SAMD12: variants seen among roughly 807,000 people sequenced by gnomAD.
The protein encoded by SAMD12 is sterile alpha motif domain-containing protein 12.
SAMD12 carries 9 observed loss-of-function variants against 15.0 expected under a neutral mutation model. The observed-to-expected ratio is 0.60, with a 90% CI of 0.36 to 1.05. The LOEUF (loss-of-function observed/expected upper bound fraction) is 1.05, where lower values mean the gene tolerates loss of function less well. Ranked by LOEUF, SAMD12 falls within the 50% of genes least tolerant of loss-of-function variation. The pLI is 0.01. For synonymous variants in SAMD12, 86 were observed against 90.1 expected, an observed-to-expected ratio of 0.96 and a Z score of 0.25; for missense variants, 230 against 234.2, an observed-to-expected ratio of 0.98 and a Z score of 0.12.
At chr8:118,229,657 G>A (rs942762527) in intron 4 of SAMD12, among the ~76,000 whole-genome samples, 61 of 152,300 alleles carry the variant, frequency 4.0e-4, no homozygotes, top group African/African-American at 1.4e-3. Flanking sequence ...AACTCAATGA[G>A]TTAATGTGGG....
At chr8:118,177,624 G>A in the SAMD12 span, among the ~76,000 whole-genome samples, 102 of 152,310 alleles carry the variant, frequency 6.7e-4, 2 homozygotes, top group South Asian at 0.019. Flanking sequence ...TTGGGAGGCC[G>A]AGGCAGGAGG....
intron 4 of SAMD12, among the ~76,000 whole-genome samples, chr8:118,265,273 A>G (rs1484130355): frequency 6.6e-6 from 1 of 152,144 alleles, no homozygotes; most frequent in Non-Finnish European, 1.5e-5. Flanking sequence ...TATTTTCACT[A>G]GACATCCATT....
At chr8:118,339,287 G>A (rs1328983192) in intron 4 of SAMD12, among the ~76,000 whole-genome samples, 2 of 152,028 alleles carry the variant, frequency 1.3e-5, no homozygotes, top group Non-Finnish European at 2.9e-5. Context: ...CTCTGATTGT[G>A]CCACTGCACT....
chr8:118,371,194 C>A (rs374624992), intron 4 of SAMD12, among the ~76,000 whole-genome samples: 1 of 151,994 alleles, frequency 6.6e-6, no homozygotes, highest in African/African-American at 2.4e-5. Context: ...AATGGCTGTG[C>A]GATGCTGAAG....
At chr8:118,402,637 C>G (rs187977238) in intron 3 of SAMD12, among the ~76,000 whole-genome samples, 2 of 152,148 alleles carry the variant, frequency 1.3e-5, no homozygotes, top group African/African-American at 4.8e-5. Context: ...CCTTGTTTTC[C>G]TTCTAGTTAA....
intron 4 of SAMD12, among the ~76,000 whole-genome samples, chr8:118,313,850 C>G (rs1440945522): frequency 6.6e-6 from 1 of 151,458 alleles, no homozygotes; most frequent in Non-Finnish European, 1.5e-5. Context: ...TGGTGATTAT[C>G]TAGTATTGAA....
intron 4 of SAMD12, among the ~76,000 whole-genome samples, chr8:118,324,700 A>C (rs929412952): frequency 9.9e-5 from 15 of 152,206 alleles, no homozygotes; most frequent in African/African-American, 4.8e-5. Context: ...ATGGGTAGAA[A>C]GAAGATTGCC....
intron 3 of SAMD12, among the ~76,000 whole-genome samples, chr8:118,426,164 T>G (rs568470669): frequency 6.6e-6 from 1 of 152,336 alleles, no homozygotes; most frequent in South Asian, 2.1e-4. Flanking sequence ...CACTAATTAT[T>G]GACTAGTAAT....
At chr8:118,428,759 A>T (rs948870551) in intron 3 of SAMD12, among the ~76,000 whole-genome samples, 2 of 152,112 alleles carry the variant, frequency 1.3e-5, no homozygotes, top group African/African-American at 2.4e-5. Context: ...ATGTGTGAGT[A>T]TATTTATGGA....
intron 4 of SAMD12, among the ~76,000 whole-genome samples, chr8:118,204,757 A>G (rs2129789616): frequency 6.6e-6 from 1 of 152,284 alleles, no homozygotes; most frequent in Middle Eastern, 3.4e-3. Flanking sequence ...CTGTCTCAAA[A>G]AAAGAAAAAA....
chr8:118,309,357 GTA>G (rs1008911950), intron 4 of SAMD12, among the ~76,000 whole-genome samples: 9 of 143,630 alleles, frequency 6.3e-5, no homozygotes, highest in Admixed American at 6.1e-4. Context: ...ATTCAATGGT[GTA>G]TATATATATT....
chr8:118,603,308 T>A (rs1335665695), intron 1 of SAMD12, among the ~76,000 whole-genome samples: 3 of 152,050 alleles, frequency 2.0e-5, no homozygotes, highest in African/African-American at 7.2e-5. Flanking sequence ...CAAAATAGAC[T>A]CAAACCTAGG....
intron 4 of SAMD12, among the ~76,000 whole-genome samples, chr8:118,329,480 C>T (rs1816715230): frequency 6.6e-6 from 1 of 152,154 alleles, no homozygotes; most frequent in Non-Finnish European, 1.5e-5. Flanking sequence ...TAGCTCCTGA[C>T]CTTCAGAAGT....
rs117401246 is a variant in SAMD12, at chr8:118,441,931, T to G, written c.193-1970A>C. Among the ~76,000 whole-genome samples, 240 of 152,248 alleles carry G rather than the reference T, an allele frequency of 1.6e-3. 1 individual carries two copies. The highest frequency in any genetic ancestry group is 6.8e-3 in the Middle Eastern group (2 of 294). On this transcript the variant is annotated intron_variant, in intron 2 of 3. Coordinates refer to ENST00000314727, the MANE Select transcript of SAMD12 (RefSeq NM_207506.3). ...CCATGTGTAGGAATTTTGGTCAATT[T>G]GCCAGCTAAGGTCTCAGTTGACAGT... is the stretch of plus-strand genomic sequence containing the variant.
chr8:118,200,668 C>G (rs371338683), intron 4 of SAMD12, among the ~76,000 whole-genome samples: 5 of 152,232 alleles, frequency 3.3e-5, no homozygotes, highest in South Asian at 4.1e-4. Flanking sequence ...CTTCACTGCT[C>G]TTTGCTGTTT....
At chr8:118,168,413 C>G in the SAMD12 span, among the ~76,000 whole-genome samples, 18 of 152,134 alleles carry the variant, frequency 1.2e-4, no homozygotes, top group Non-Finnish European at 2.2e-4. Context: ...TTCATCAGCT[C>G]TTGTTGGTTT....
At chr8:118,344,316 T>C (rs1246946030) in intron 4 of SAMD12, among the ~76,000 whole-genome samples, 5 of 152,190 alleles carry the variant, frequency 3.3e-5, no homozygotes, top group Admixed American at 3.3e-4. Flanking sequence ...CAGGGAAAAA[T>C]ACCACAAAGG....
the SAMD12 span, among the ~76,000 whole-genome samples, chr8:118,135,962 C>T: frequency 2.6e-5 from 4 of 152,150 alleles, no homozygotes; most frequent in African/African-American, 7.2e-5. Context: ...CCCACTCCCC[C>T]GCTTTGTCCC....
chr8:118,345,432 A>G (rs1208809975), intron 4 of SAMD12, among the ~76,000 whole-genome samples: 4 of 152,238 alleles, frequency 2.6e-5, no homozygotes, highest in African/African-American at 4.8e-5. Context: ...GGTATATGGT[A>G]GAGACAGAGA....
Sources: allele counts gnomAD v4.1 joint callset (sites outside exome capture counted in the v4.1 genomes callset), GRCh38; gene constraint gnomAD v4.1.1; transcripts MANE v1.5; gene names NCBI Gene and HGNC (gene_info 2026-07-23, HGNC 2026-07-21).